The following ASCC2 variants were observed in gnomAD, a reference collection of about 807,000 sequenced individuals.
The protein encoded by ASCC2 is activating signal cointegrator 1 complex subunit 2.
A neutral mutation model predicts 93.5 loss-of-function variants in ASCC2; 42 were observed. The ratio of observed to expected loss-of-function variants is 0.45; its 90% CI spans 0.35 to 0.58. The LOEUF is 0.58. Among genes scored for constraint, ASCC2 ranks in the 20% least tolerant of loss-of-function variants. The pLI, the probability that ASCC2 is intolerant of heterozygous loss-of-function variation, is 0.00. For missense variants in ASCC2, 859 were observed against 977.6 expected (o/e 0.88, Z 1.62); for synonymous variants, 364 against 384.2 (o/e 0.95, Z 0.62).
Position 29,793,405 on chromosome 22 carries a change from A to G in ASCC2, c.1874T>C (p.Val625Ala). Reference protein sequence around the residue: ...EYDDTYDGNQVGANDADSDDE... With the variant: ...EYDDTYDGNQAGANDADSDDE... ...ATCAGAGTCTGCATCATTGGCGCCCACCTGGTTGCCATCGTATGTGTCATC... is the reference window on the plus strand; with the variant it reads ...ATCAGAGTCTGCATCATTGGCGCCCGCCTGGTTGCCATCGTATGTGTCATC... The change falls in exon 17 of 20, where the codon GTG becomes GCG. Residue 625 changes from valine (V) to alanine (A), a missense_variant. Physicochemically the swap from Val to Ala is moderately conservative, Grantham distance 64. Transcript: ENST00000307790. 6.2e-7 allele frequency: 1 copy of G among 1,613,992 alleles called. No homozygotes were observed. The highest frequency in any genetic ancestry group is 8.5e-7 in the Non-Finnish European group (1 of 1,180,018).
chr22:29,824,696 G>A (rs990218761), intron 4 of ASCC2, among the ~76,000 whole-genome samples: 6 of 151,942 alleles, frequency 3.9e-5, no homozygotes, highest in Admixed American at 1.3e-4. Context: ...TCGTATTTCC[G>A]CAATGTTTGG....
intron 4 of ASCC2, among the ~76,000 whole-genome samples, chr22:29,822,902 T>G (rs187107678): frequency 2.0e-5 from 3 of 152,084 alleles, no homozygotes; most frequent in Non-Finnish European, 4.4e-5. Flanking sequence ...GTATTTTTTG[T>G]AGAGATAGGG....
chr22:29,823,618 C>T (rs554829639), intron 4 of ASCC2, among the ~76,000 whole-genome samples: 1 of 152,208 alleles, frequency 6.6e-6, no homozygotes, highest in East Asian at 1.9e-4. Flanking sequence ...GAGGCCGAGG[C>T]AGACGGATCA....
intron 8 of ASCC2, among the ~76,000 whole-genome samples, chr22:29,809,259 T>G (rs906369317): frequency 2.0e-5 from 3 of 151,676 alleles, no homozygotes; most frequent in Non-Finnish European, 4.4e-5. Context: ...TAAAAAATAA[T>G]AATTAAAAAA....
chr22:29,794,328 C>T (rs1265643171), intron 15 of ASCC2, among the ~76,000 whole-genome samples: 4 of 152,004 alleles, frequency 2.6e-5, no homozygotes, highest in South Asian at 2.1e-4. Flanking sequence ...CCCGTCTCTA[C>T]TAAAAATACA....
At chr22:29,828,152 G>A (rs1071962) in intron 2 of ASCC2, among the ~76,000 whole-genome samples, 17,938 of 152,266 alleles carry the variant, frequency 0.12, 1,178 homozygotes, top group Non-Finnish European at 0.14. Context: ...AGAGCAAGCA[G>A]ACTTCCTCCA....
chr22:29,788,971 G>A lies in ASCC2; in HGVS notation c.*42C>T, dbSNP rs367692949. 1.2e-4 allele frequency: 201 copies of A among 1,612,386 alleles called. No homozygotes were observed. The highest frequency in any genetic ancestry group is 1.6e-4 in the Non-Finnish European group (190 of 1,178,714). On this transcript the variant is annotated 3_prime_UTR_variant, in exon 20 of 20. Transcript: ENST00000307790. Reference sequence around the variant, plus strand: ...CCAGGCGATGGGAGCACGGCCTGGTGAGTCTGGTGCCGCTGCCTCCCCACT... The same window carrying A: ...CCAGGCGATGGGAGCACGGCCTGGTAAGTCTGGTGCCGCTGCCTCCCCACT...
intron 15 of ASCC2, among the ~76,000 whole-genome samples, chr22:29,793,926 T>C (rs2058095517): frequency 6.7e-6 from 1 of 148,738 alleles, no homozygotes; most frequent in Non-Finnish European, 1.5e-5. Flanking sequence ...TGAGAGGAAG[T>C]CTTGCTCTGT....
At chr22:29,816,278 G>T (rs2060842329) in intron 5 of ASCC2, among the ~76,000 whole-genome samples, 1 of 152,142 alleles carries the variant, frequency 6.6e-6, no homozygotes, top group African/African-American at 2.4e-5. Flanking sequence ...CCCAGGGTGG[G>T]GGAGGGACCT....
chr22:29,834,754 G>A (rs140699445), intron 1 of ASCC2, among the ~76,000 whole-genome samples: 86 of 152,214 alleles, frequency 5.6e-4, no homozygotes, highest in African/African-American at 2.0e-3. Context: ...ATTTGCTCAA[G>A]GTAAATACAT....
At chr22:29,798,219 C>T (rs1156696259) in intron 15 of ASCC2, among the ~76,000 whole-genome samples, 1 of 152,176 alleles carries the variant, frequency 6.6e-6, no homozygotes, top group African/African-American at 2.4e-5. Flanking sequence ...CTGCACCTCA[C>T]CCATTCTCCA....
At chr22:29,817,810 T>G (rs945299410) in intron 5 of ASCC2, among the ~76,000 whole-genome samples, 1 of 152,038 alleles carries the variant, frequency 6.6e-6, no homozygotes, top group African/African-American at 2.4e-5. Flanking sequence ...AAAGAAATAA[T>G]AAAAATGTAA....
chr22:29,819,079 T>C (rs1055285515), intron 5 of ASCC2, among the ~76,000 whole-genome samples: 3 of 152,174 alleles, frequency 2.0e-5, no homozygotes, highest in Non-Finnish European at 2.9e-5. Context: ...CGCGGTCTCA[T>C]CACAGTAAGA....
intron 8 of ASCC2, among the ~76,000 whole-genome samples, chr22:29,810,874 G>A (rs541444408): frequency 6.6e-6 from 1 of 152,236 alleles, no homozygotes; most frequent in Non-Finnish European, 1.5e-5. Flanking sequence ...GGAATTACAG[G>A]TGCGTGCCAC....
rs750120426 is a variant in ASCC2, at chr22:29,804,627, C to CA, written c.1353+10dup. ...CAAGCGAAGAGGGAAAAGCGCCACTCAGACACATACCTCCTCTTCCTCCGA... is the reference window on the plus strand; with the variant it reads ...CAAGCGAAGAGGGAAAAGCGCCACTCAAGACACATACCTCCTCTTCCTCCGA... On this transcript the variant is annotated intron_variant, in intron 13 of 19. Transcript: ENST00000307790. The CA allele has an allele frequency of 1.2e-5, 20 of 1,612,446 alleles. No homozygotes were observed. In the South Asian group the frequency reaches 2.1e-4, roughly 17 times the overall value.
At chr22:29,834,385 C>A in intron 1 of ASCC2, 1 of 416,604 alleles carries the variant, frequency 2.4e-6, no homozygotes, top group South Asian at 1.8e-5. Flanking sequence ...GTGGAAACAG[C>A]CTGGTACCCA....
At chr22:29,804,889 C>A in intron 12 of ASCC2, 59 bp from the exon 13 acceptor site, 5 of 1,559,848 alleles carry the variant, frequency 3.2e-6, no homozygotes, top group Non-Finnish European at 1.8e-6. Flanking sequence ...AGCATAATTT[C>A]TCAGTCCCTC....
intron 1 of ASCC2, chr22:29,834,553 GA>G (rs960848972): frequency 2.1e-5 from 10 of 469,646 alleles, no homozygotes; most frequent in Admixed American, 1.9e-4. Flanking sequence ...GAGGTGGCCT[GA>G]AAAAAAATCA....
intron 12 of ASCC2, among the ~76,000 whole-genome samples, 164 bp downstream of exon 12, chr22:29,806,052 T>C (rs1311375744): frequency 1.3e-5 from 2 of 151,974 alleles, no homozygotes; most frequent in South Asian, 2.1e-4. Context: ...CCATCTCCTC[T>C]AGAAAAGGCA....
Sources: gnomAD v4.1 joint callset for allele counts (sites outside exome capture counted in the v4.1 genomes callset) on GRCh38, gnomAD v4.1.1 for gene constraint, MANE v1.5 for transcripts, NCBI Gene and HGNC (gene_info 2026-07-23, HGNC 2026-07-21) for gene names.